The following EXOC6B variants were observed in gnomAD, a reference collection of about 807,000 sequenced individuals.
EXOC6B encodes the protein exocyst complex component 6B, also known as SEC15 homolog B.
In EXOC6B, 54 loss-of-function variants were observed where a neutral mutation model predicts 113.5. The ratio of observed to expected loss-of-function variants is 0.48; its 90% CI spans 0.38 to 0.60. The LOEUF is 0.60. EXOC6B is among the 20% of genes least tolerant of loss of function. The pLI, the probability that EXOC6B is intolerant of heterozygous loss-of-function variation, is 0.00. For synonymous variants in EXOC6B, 357 were observed against 339.0 expected, an observed-to-expected ratio of 1.05 and a Z score of -0.58; for missense variants, 797 against 977.5, an observed-to-expected ratio of 0.82 and a Z score of 2.46.
rs556633365 is a variant in EXOC6B at position 72,550,211 on chromosome 2, T to A, written c.915+9242A>T. 4.5e-4 allele frequency among the ~76,000 whole-genome samples: 68 copies of A among 152,248 alleles called. 1 individual carries two copies. Among genetic ancestry groups the A allele is most frequent in the East Asian group, 1.9e-4 (1 of 5,186 alleles). On this transcript the variant is annotated intron_variant, in intron 8 of 21. Transcript: ENST00000272427. ...CATTTATATTAAGTAATCCATTTTT[T>A]AAAAGTCTTTGTAATTAATATTATG...
intron 20 of EXOC6B, among the ~76,000 whole-genome samples, chr2:72,212,167 T>C (rs951902216): frequency 2.0e-5 from 3 of 152,152 alleles, no homozygotes; most frequent in South Asian, 2.1e-4. Context: ...CCTGTCTCTG[T>C]AGGAAGGTAT....
intron 18 of EXOC6B, among the ~76,000 whole-genome samples, chr2:72,433,884 A>G (rs1349588477): frequency 6.6e-6 from 1 of 152,194 alleles, no homozygotes; most frequent in Non-Finnish European, 1.5e-5. Context: ...TCCTATTTGA[A>G]TACCCTTTAT....
At chr2:72,600,324 C>T (rs1029662038) in intron 6 of EXOC6B, among the ~76,000 whole-genome samples, 1 of 151,584 alleles carries the variant, frequency 6.6e-6, no homozygotes, top group African/African-American at 2.4e-5. Context: ...ACCTGTTAGT[C>T]CCAGCTACTG....
chr2:72,574,322 C>A (rs1704695741), intron 7 of EXOC6B, among the ~76,000 whole-genome samples: 1 of 152,016 alleles, frequency 6.6e-6, no homozygotes, highest in Non-Finnish European at 1.5e-5. Context: ...CAGAAGTCAG[C>A]AAGGAAGAGT....
intron 19 of EXOC6B, among the ~76,000 whole-genome samples, chr2:72,369,374 A>G (rs1200914109): frequency 6.6e-6 from 1 of 152,240 alleles, no homozygotes; most frequent in Non-Finnish European, 1.5e-5. Context: ...ATACAAAGAA[A>G]TGGAAGAACA....
chr2:72,524,178 G>C (rs1165954364), intron 8 of EXOC6B, among the ~76,000 whole-genome samples: 1 of 150,740 alleles, frequency 6.6e-6, no homozygotes, highest in Non-Finnish European at 1.5e-5. Context: ...AAAACTGAAA[G>C]GGCCATTTTA....
chr2:72,616,266 GA>G (rs988275739), intron 6 of EXOC6B, among the ~76,000 whole-genome samples: 9 of 150,692 alleles, frequency 6.0e-5, no homozygotes, highest in African/African-American at 1.9e-4. Context: ...CACAAAAATA[GA>G]AAAAAAAATT....
chr2:72,274,776 C>T (rs1684711532), intron 20 of EXOC6B, among the ~76,000 whole-genome samples: 1 of 152,100 alleles, frequency 6.6e-6, no homozygotes, highest in East Asian at 1.9e-4. Context: ...ATTAAGCCAA[C>T]AGAAGCATTC....
At chr2:72,646,766 A>ACT (rs764110132) in intron 6 of EXOC6B, among the ~76,000 whole-genome samples, 1 of 152,144 alleles carries the variant, frequency 6.6e-6, no homozygotes, top group Non-Finnish European at 1.5e-5. Flanking sequence ...TATGATAAAA[A>ACT]CTCTCAATAA....
intron 6 of EXOC6B, among the ~76,000 whole-genome samples, chr2:72,683,966 C>A (rs1676901204): frequency 6.6e-6 from 1 of 152,166 alleles, no homozygotes; most frequent in Non-Finnish European, 1.5e-5. Flanking sequence ...GAGTATTGCT[C>A]TGTCACCCAG....
intron 6 of EXOC6B, among the ~76,000 whole-genome samples, chr2:72,625,695 T>C (rs1313181371): frequency 1.3e-5 from 2 of 152,204 alleles, no homozygotes; most frequent in Non-Finnish European, 2.9e-5. Flanking sequence ...AGATCCCAAA[T>C]GTAATGTATT....
At chr2:72,446,812 C>G (rs568676042) in intron 18 of EXOC6B, among the ~76,000 whole-genome samples, 1 of 152,252 alleles carries the variant, frequency 6.6e-6, no homozygotes, top group South Asian at 2.1e-4. Flanking sequence ...TTCAAACTAA[C>G]AGAATTTAAG....
At chr2:72,698,242 C>A (rs541956894) in intron 6 of EXOC6B, among the ~76,000 whole-genome samples, 5 of 152,106 alleles carry the variant, frequency 3.3e-5, no homozygotes. Flanking sequence ...AAGGAATCAC[C>A]GCTTCCTCTG....
chr2:72,544,861 C>T (rs1702809669), intron 8 of EXOC6B, among the ~76,000 whole-genome samples: 1 of 152,048 alleles, frequency 6.6e-6, no homozygotes, highest in Admixed American at 6.6e-5. Context: ...TTTGTAATGT[C>T]ATCTTTGTAA....
At chr2:72,619,331 G>A (rs540445595) in intron 6 of EXOC6B, among the ~76,000 whole-genome samples, 1 of 151,924 alleles carries the variant, frequency 6.6e-6, no homozygotes, top group Non-Finnish European at 1.5e-5. Context: ...TTGTTTTACT[G>A]GCAAAAGCAT....
chr2:72,567,641 G>A (rs938676299), intron 7 of EXOC6B, among the ~76,000 whole-genome samples: 38 of 151,942 alleles, frequency 2.5e-4, no homozygotes, highest in African/African-American at 8.5e-4. Context: ...CTGAAGAAAC[G>A]GCTGATGCCA....
chr2:72,260,312 T>C (rs1398946100), intron 20 of EXOC6B, among the ~76,000 whole-genome samples: 1 of 152,052 alleles, frequency 6.6e-6, no homozygotes, highest in Non-Finnish European at 1.5e-5. Flanking sequence ...CAGGGTGAGG[T>C]GAGGTTGATG....
intron 19 of EXOC6B, among the ~76,000 whole-genome samples, chr2:72,348,305 A>C (rs541959042): frequency 6.6e-6 from 1 of 152,212 alleles, no homozygotes; most frequent in East Asian, 1.9e-4. Flanking sequence ...TCAACATATG[A>C]ATTTTGGGGG....
intron 1 of EXOC6B, among the ~76,000 whole-genome samples, chr2:72,773,115 A>ATTTTTTTTT (rs1683493598): frequency 1.7e-5 from 2 of 118,258 alleles, no homozygotes; most frequent in African/African-American, 7.4e-5. Context: ...TAGACCTTAG[A>ATTTTTTTTT]TTTTCTTTTT....
Sources: allele counts gnomAD v4.1 joint callset (sites outside exome capture counted in the v4.1 genomes callset), GRCh38; gene constraint gnomAD v4.1.1; transcripts MANE v1.5; gene names NCBI Gene and HGNC (gene_info 2026-07-23, HGNC 2026-07-21).